The following NRG1 variants were observed in gnomAD, a reference collection of about 807,000 sequenced individuals.
NRG1 encodes the protein pro-neuregulin-1, membrane-bound isoform.
Under a neutral mutation model 63.8 loss-of-function variants are expected in NRG1, and 18 were observed. The observed-to-expected ratio is 0.28, with a 90% CI of 0.19 to 0.42. The LOEUF is 0.42. Among genes scored for constraint, NRG1 ranks in the 10% least tolerant of loss-of-function variants. The pLI is 1.00. For missense variants in NRG1, 762 were observed against 814.7 expected, an observed-to-expected ratio of 0.94 and a Z score of 0.79; for synonymous variants, 302 against 301.3, an observed-to-expected ratio of 1.00 and a Z score of -0.02.
At chr8:32,557,238 A>T (rs970131486) in intron 1 of NRG1, among the ~76,000 whole-genome samples, 1 of 151,952 alleles carries the variant, frequency 6.6e-6, no homozygotes, top group African/African-American at 2.4e-5. Flanking sequence ...CGATCTCCTG[A>T]CCTTGTGATT....
intron 1 of NRG1, among the ~76,000 whole-genome samples, chr8:31,907,167 A>C (rs887158975): frequency 3.9e-5 from 6 of 152,076 alleles, no homozygotes; most frequent in Admixed American, 3.9e-4. Context: ...TGAGTCTCAT[A>C]AACAGCAACA....
chr8:32,024,671 C>T (rs1285388653), intron 1 of NRG1, among the ~76,000 whole-genome samples: 4 of 152,124 alleles, frequency 2.6e-5, no homozygotes, highest in African/African-American at 9.7e-5. Context: ...ATCAAAAATT[C>T]AGAAACATGA....
chr8:32,201,743 C>T (rs1454584297), intron 1 of NRG1, among the ~76,000 whole-genome samples: 2 of 152,008 alleles, frequency 1.3e-5, no homozygotes, highest in East Asian at 1.9e-4. Flanking sequence ...TTAAATAGAC[C>T]GTAGAAAATA....
intron 1 of NRG1, among the ~76,000 whole-genome samples, chr8:32,338,629 C>G (rs1685115): frequency 0.15 from 22,815 of 151,850 alleles, 2,511 homozygotes; most frequent in East Asian, 0.58. Context: ...TCTTCATTCT[C>G]AATGAGCCCC....
intron 1 of NRG1, among the ~76,000 whole-genome samples, chr8:32,046,807 G>A (rs1403252421): frequency 6.6e-6 from 1 of 151,954 alleles, no homozygotes; most frequent in Admixed American, 6.6e-5. Flanking sequence ...TAGCATGGGA[G>A]GTTTTGGGGG....
intron 1 of NRG1, among the ~76,000 whole-genome samples, chr8:32,382,751 G>A (rs1366778624): frequency 6.6e-6 from 1 of 152,114 alleles, no homozygotes; most frequent in East Asian, 1.9e-4. Flanking sequence ...GAAAAGAAGT[G>A]TAAGATATGA....
chr8:32,119,637 C>T (rs1310486114), intron 1 of NRG1, among the ~76,000 whole-genome samples: 1 of 152,068 alleles, frequency 6.6e-6, no homozygotes, highest in African/African-American at 2.4e-5. Context: ...CCAGGCTTGG[C>T]CTGTAAAAAC....
intron 1 of NRG1, among the ~76,000 whole-genome samples, chr8:32,385,618 G>A (rs761789179): frequency 5.3e-5 from 8 of 152,050 alleles, no homozygotes; most frequent in Non-Finnish European, 8.8e-5. Flanking sequence ...AGAGAGCCAG[G>A]AGGTGCTACA....
intron 9 of NRG1, among the ~76,000 whole-genome samples, chr8:32,758,672 C>T (rs1564123934): frequency 6.6e-6 from 1 of 151,482 alleles, no homozygotes; most frequent in Non-Finnish European, 1.5e-5. Flanking sequence ...GAAATGTCCT[C>T]CATATATTAT....
chr8:32,544,484 T>G (rs920119536), upstream of NRG1, among the ~76,000 whole-genome samples: 4 of 134,160 alleles, frequency 3.0e-5, no homozygotes, highest in African/African-American at 6.2e-5. Flanking sequence ...TATTTATTTA[T>G]TTATTTATTT....
At chr8:31,790,440 GT>G (rs1340038775) in intron 1 of NRG1, among the ~76,000 whole-genome samples, 2 of 152,086 alleles carry the variant, frequency 1.3e-5, no homozygotes, top group African/African-American at 4.8e-5. Flanking sequence ...AATAATCTTG[GT>G]GCTGATCATC....
chr8:32,596,238 A>G (rs1293435435), intron 2 of NRG1, among the ~76,000 whole-genome samples: 1 of 152,192 alleles, frequency 6.6e-6, no homozygotes, highest in African/African-American at 2.4e-5. Flanking sequence ...GAACTGTAGG[A>G]AGTAAGAAGA....
chr8:31,648,933 A>G (rs766201460), intron 1 of NRG1, among the ~76,000 whole-genome samples: 1 of 151,066 alleles, frequency 6.6e-6, no homozygotes, highest in African/African-American at 2.4e-5. Flanking sequence ...GCTGAAACAT[A>G]TGGTAATTCT....
chr8:32,417,361 T>TA (rs1296656840), intron 1 of NRG1, among the ~76,000 whole-genome samples: 1 of 152,180 alleles, frequency 6.6e-6, no homozygotes, highest in East Asian at 1.9e-4. Context: ...TTCAATAAGA[T>TA]ACTGCTGCAG....
At chr8:31,823,117 C>CTTTTTTTTTTTTTTTTTTTTTTTTTTT (rs147209584) in intron 1 of NRG1, among the ~76,000 whole-genome samples, 1 of 77,964 alleles carries the variant, frequency 1.3e-5, no homozygotes, top group Non-Finnish European at 2.4e-5. Flanking sequence ...TGTCCTTGTT[C>CTTTTTTTTTTTTTTTTTTTTTTTTTTT]TTTTTTTTTT....
chr8:32,592,379 T>A (rs1842681987), intron 1 of NRG1, among the ~76,000 whole-genome samples: 1 of 152,092 alleles, frequency 6.6e-6, no homozygotes, highest in Non-Finnish European at 1.5e-5. Context: ...CAGGATCCAA[T>A]CAGTAGCTCC....
At chr8:31,665,827 T>C (rs1248079511) in intron 1 of NRG1, among the ~76,000 whole-genome samples, 1 of 152,182 alleles carries the variant, frequency 6.6e-6, no homozygotes, top group African/African-American at 2.4e-5. Flanking sequence ...CTTTGCTAAT[T>C]TGCTCCATTT....
chr8:32,659,513 T>G (rs1191907170), intron 5 of NRG1, among the ~76,000 whole-genome samples: 1 of 152,240 alleles, frequency 6.6e-6, no homozygotes, highest in East Asian at 1.9e-4. Flanking sequence ...GTATGAGCAC[T>G]ACTAAATTAG....
chr8:32,536,659 A>G (rs1831999459), intron 1 of NRG1, among the ~76,000 whole-genome samples: 1 of 152,060 alleles, frequency 6.6e-6, no homozygotes. Context: ...GCGGTGGCTC[A>G]TGCCTGTAAT....
Sources: gnomAD v4.1 joint callset for allele counts (sites outside exome capture counted in the v4.1 genomes callset) on GRCh38, gnomAD v4.1.1 for gene constraint, MANE v1.5 for transcripts, NCBI Gene and HGNC (gene_info 2026-07-23, HGNC 2026-07-21) for gene names.